CACNA2D3: variants seen among roughly 807,000 people sequenced by gnomAD.
CACNA2D3 encodes the protein calcium voltage-gated channel auxiliary subunit alpha2delta 3, also known as voltage-dependent calcium channel subunit alpha-2/delta-3.
CACNA2D3 carries 60 observed loss-of-function variants against 160.6 expected under a neutral mutation model. The ratio of observed to expected loss-of-function variants is 0.37; its 90% CI spans 0.30 to 0.46. The LOEUF (loss-of-function observed/expected upper bound fraction) is 0.46. CACNA2D3 is among the 20% of genes least tolerant of loss of function. The pLI is 1.00. For synonymous variants in CACNA2D3, 558 were observed against 492.9 expected, an observed-to-expected ratio of 1.13 and a Z score of -1.75; for missense variants, 1,205 against 1,365.0, an observed-to-expected ratio of 0.88 and a Z score of 1.85.
chr3:54,554,951 C>T (rs117975971), intron 5 of CACNA2D3, among the ~76,000 whole-genome samples: 1,544 of 137,324 alleles, frequency 0.011, 18 homozygotes, highest in East Asian at 0.034. Flanking sequence ...CTTGGCTCAT[C>T]GCAGCCTTGA....
chr3:54,815,559 T>G (rs1033187285), intron 13 of CACNA2D3, among the ~76,000 whole-genome samples: 1 of 152,226 alleles, frequency 6.6e-6, no homozygotes, highest in Admixed American at 6.5e-5. Flanking sequence ...TCTGATGTCA[T>G]AAGCTCTAGA....
At chr3:54,173,603 C>G (rs1350067623) in intron 2 of CACNA2D3, among the ~76,000 whole-genome samples, 3 of 152,182 alleles carry the variant, frequency 2.0e-5, no homozygotes, top group Non-Finnish European at 2.9e-5. Context: ...CATCTGAGAA[C>G]AGCACCTTGC....
At chr3:54,344,053 C>T (rs1047790145) in intron 3 of CACNA2D3, among the ~76,000 whole-genome samples, 4 of 152,040 alleles carry the variant, frequency 2.6e-5, no homozygotes, top group Admixed American at 6.5e-5. Flanking sequence ...GAAGTTTTTA[C>T]GAATTATTTT....
intron 2 of CACNA2D3, among the ~76,000 whole-genome samples, chr3:54,134,078 C>T (rs1699769587): frequency 6.6e-6 from 1 of 152,140 alleles, no homozygotes. Flanking sequence ...TTTATTGGTG[C>T]TTATTTTTTT....
chr3:54,488,831 C>T (rs774684701), intron 4 of CACNA2D3, among the ~76,000 whole-genome samples: 5 of 152,072 alleles, frequency 3.3e-5, no homozygotes, highest in African/African-American at 7.2e-5. Context: ...GATAAGTGTG[C>T]GATGACCCCT....
intron 26 of CACNA2D3, among the ~76,000 whole-genome samples, chr3:54,899,380 G>C (rs980990691): frequency 6.6e-6 from 1 of 152,168 alleles, no homozygotes; most frequent in East Asian, 1.9e-4. Context: ...TTGCCAACTT[G>C]TAAAATAATT....
chr3:54,957,879 G>A (rs1701940757), intron 27 of CACNA2D3, among the ~76,000 whole-genome samples: 1 of 152,150 alleles, frequency 6.6e-6, no homozygotes, highest in Non-Finnish European at 1.5e-5. Flanking sequence ...AAATCTATTT[G>A]TGTCTCACAT....
At chr3:54,401,014 T>C (rs1417731195) in intron 4 of CACNA2D3, among the ~76,000 whole-genome samples, 2 of 152,042 alleles carry the variant, frequency 1.3e-5, no homozygotes, top group Admixed American at 1.3e-4. Context: ...AAATTCATGA[T>C]CTGAATGATA....
intron 2 of CACNA2D3, among the ~76,000 whole-genome samples, chr3:54,275,457 T>G (rs1380961832): frequency 6.9e-6 from 1 of 144,052 alleles, no homozygotes; most frequent in African/African-American, 2.6e-5. Context: ...GAAATACAGC[T>G]ATCAAAATAT....
At chr3:54,300,171 T>C (rs1448035113) in intron 2 of CACNA2D3, among the ~76,000 whole-genome samples, 1 of 152,256 alleles carries the variant, frequency 6.6e-6, no homozygotes, top group East Asian at 1.9e-4. Flanking sequence ...TTTAACTTTT[T>C]AGCTTCCTGT....
Position 54,452,953 on chromosome 3 carries a change from TTTTC to T in CACNA2D3, c.382-50526_382-50523del, listed in dbSNP as rs545341622. On this transcript the variant is annotated intron_variant, in intron 4 of 37. Transcript: ENST00000474759. Reference sequence around the variant, plus strand: ...TCGTCTGTGTTTCTATGTCTTCTTTTTTTCTTTCTTTCTTTCCCTCTCTTTTTCT... The same window carrying T: ...TCGTCTGTGTTTCTATGTCTTCTTTTTTTCTTTCTTTCCCTCTCTTTTTCT... 2.5e-3 allele frequency among the ~76,000 whole-genome samples: 383 copies of T among 152,118 alleles called. 3 individuals carry two copies. Among genetic ancestry groups the T allele is most frequent in the African/African-American group, 8.9e-3 (369 of 41,514 alleles).
rs1166043385 is a variant in CACNA2D3 at position 54,953,579 on chromosome 3, A to G, written c.2450-14871A>G. On this transcript the variant is annotated intron_variant, in intron 27 of 37. Coordinates refer to ENST00000474759, the MANE Select transcript of CACNA2D3 (RefSeq NM_018398.3). ...CAGGAGACCTTATTCTCTCAAAGCC[A>G]CTTCTTGCAATACTTGGACATCCAC... 3.9e-5 allele frequency among the ~76,000 whole-genome samples: 6 copies of G among 152,176 alleles called. No individual in the cohort carries two copies. In the East Asian group the frequency reaches 9.7e-4, roughly 25 times the overall value.
chr3:54,299,793 A>G (rs1392457029), intron 2 of CACNA2D3, among the ~76,000 whole-genome samples: 1 of 152,232 alleles, frequency 6.6e-6, no homozygotes, highest in East Asian at 1.9e-4. Flanking sequence ...AAGTGAATTA[A>G]CACATCGATT....
At chr3:54,626,687 A>G in intron 9 of CACNA2D3, 2 of 169,232 alleles carry the variant, frequency 1.2e-5, no homozygotes, top group East Asian at 3.1e-4. Flanking sequence ...TTCCAGTCAA[A>G]AAAAAAAAAA....
intron 2 of CACNA2D3, among the ~76,000 whole-genome samples, chr3:54,178,854 A>G (rs979524212): frequency 1.3e-5 from 2 of 152,230 alleles, no homozygotes; most frequent in African/African-American, 4.8e-5. Context: ...AGTCTGGGAC[A>G]CAAACAGATG....
intron 20 of CACNA2D3, among the ~76,000 whole-genome samples, chr3:54,880,454 C>T (rs1699767643): frequency 1.3e-5 from 2 of 152,146 alleles, no homozygotes; most frequent in African/African-American, 2.4e-5. Context: ...TGGCTGAATG[C>T]AGGACAAGGG....
At chr3:54,899,268 C>G (rs1374891108) in intron 26 of CACNA2D3, among the ~76,000 whole-genome samples, 1 of 152,202 alleles carries the variant, frequency 6.6e-6, no homozygotes, top group African/African-American at 2.4e-5. Flanking sequence ...AGATTATGCT[C>G]TAGCTCTATC....
intron 2 of CACNA2D3, among the ~76,000 whole-genome samples, chr3:54,317,538 T>C (rs1324566010): frequency 7.5e-6 from 1 of 132,530 alleles, no homozygotes; most frequent in African/African-American, 2.5e-5. Context: ...CCAAACTCAC[T>C]TTTTTTTTTC....
intron 14 of CACNA2D3, among the ~76,000 whole-genome samples, chr3:54,817,787 T>G (rs1703490234): frequency 6.6e-6 from 1 of 152,180 alleles, no homozygotes; most frequent in African/African-American, 2.4e-5. Context: ...CTAGAAATCA[T>G]TACACAATTA....
Sources: gnomAD v4.1 joint callset for allele counts (sites outside exome capture counted in the v4.1 genomes callset) on GRCh38, gnomAD v4.1.1 for gene constraint, MANE v1.5 for transcripts, NCBI Gene and HGNC (gene_info 2026-07-23, HGNC 2026-07-21) for gene names.